Variants in NRXN3 observed in about 807,000 individuals in gnomAD.
NRXN3 encodes the protein neurexin 3, also known as neurexin III.
Under a neutral mutation model 137.6 loss-of-function variants are expected in NRXN3, and 32 were observed. The ratio of observed to expected loss-of-function variants is 0.23; its 90% CI spans 0.18 to 0.31. The LOEUF (loss-of-function observed/expected upper bound fraction) is 0.31. Ranked by LOEUF, NRXN3 falls within the 10% of genes least tolerant of loss-of-function variation. NRXN3 has a pLI of 1.00. For synonymous variants in NRXN3, 798 were observed against 784.5 expected, an observed-to-expected ratio of 1.02 and a Z score of -0.29; for missense variants, 1,574 against 2,062.5, an observed-to-expected ratio of 0.76 and a Z score of 4.59.
At chr14:78,567,531 A>G (rs532645163) in intron 4 of NRXN3, among the ~76,000 whole-genome samples, 1 of 152,162 alleles carries the variant, frequency 6.6e-6, no homozygotes, top group South Asian at 2.1e-4. Flanking sequence ...ATTTTCTTCC[A>G]TGAGCTCCTG....
intron 8 of NRXN3, among the ~76,000 whole-genome samples, chr14:78,743,309 T>C (rs10483915): frequency 0.16 from 25,000 of 152,226 alleles, 2,611 homozygotes; most frequent in Middle Eastern, 0.24. Flanking sequence ...AATTATAGAA[T>C]GCTTCATGAA....
At chr14:78,575,317 G>A (rs1267831703) in intron 4 of NRXN3, among the ~76,000 whole-genome samples, 3 of 152,164 alleles carry the variant, frequency 2.0e-5, no homozygotes, top group African/African-American at 7.2e-5. Context: ...ACACATGGAG[G>A]GGAAAGTGAG....
At chr14:79,278,645 G>C (rs901798592) in intron 15 of NRXN3, among the ~76,000 whole-genome samples, 5 of 152,196 alleles carry the variant, frequency 3.3e-5, no homozygotes, top group South Asian at 2.1e-4. Context: ...CTACAGGCGC[G>C]GACGATAACC....
intron 19 of NRXN3, among the ~76,000 whole-genome samples, chr14:79,729,454 A>G (rs898605756): frequency 1.3e-5 from 2 of 152,150 alleles, no homozygotes; most frequent in African/African-American, 4.8e-5. Flanking sequence ...GATGCAAGAA[A>G]ATGTAGTGAC....
chr14:78,277,277 C>A (rs955246583), intron 2 of NRXN3, among the ~76,000 whole-genome samples: 1 of 152,158 alleles, frequency 6.6e-6, no homozygotes, highest in East Asian at 1.9e-4. Context: ...GTTCAGGCAG[C>A]AAATTAGAGG....
chr14:78,817,877 G>A (rs1342657286), intron 10 of NRXN3, among the ~76,000 whole-genome samples: 2 of 152,050 alleles, frequency 1.3e-5, no homozygotes, highest in Admixed American at 6.6e-5. Context: ...TTCAACATGA[G>A]TTTTGGGGGG....
At chr14:78,531,110 A>G (rs1016045511) in intron 4 of NRXN3, among the ~76,000 whole-genome samples, 2 of 151,884 alleles carry the variant, frequency 1.3e-5, no homozygotes, top group African/African-American at 2.4e-5. Flanking sequence ...TGCCCCTTTT[A>G]TGGCCATTAC....
At chr14:79,396,418 ATTATGAGAACCAC>A (rs1387324725) in intron 15 of NRXN3, among the ~76,000 whole-genome samples, 2 of 152,172 alleles carry the variant, frequency 1.3e-5, no homozygotes, top group Non-Finnish European at 2.9e-5. Context: ...CCCTTGTTTG[ATTATGAGAACCAC>A]TTGCAGAGCT....
At position 79,738,388 on chromosome 14, in the gene NRXN3, G is replaced by A. The variant is rs8009906; in HGVS notation, c.4014+40451G>A. On this transcript the variant is annotated intron_variant, in intron 19 of 20. Transcript: ENST00000335750. ...AGGTGATGGAGGCAGATACTGGAGTGAAGCAGCCACAAGCCAAGGAATGCT... is the reference window on the plus strand; with the variant it reads ...AGGTGATGGAGGCAGATACTGGAGTAAAGCAGCCACAAGCCAAGGAATGCT... 6.9e-3 allele frequency among the ~76,000 whole-genome samples: 1,045 copies of A among 151,432 alleles called. 18 individuals carry two copies. Among genetic ancestry groups the A allele is most frequent in the African/African-American group, 0.025 (1,009 of 41,138 alleles).
intron 4 of NRXN3, among the ~76,000 whole-genome samples, chr14:78,336,166 T>G (rs1469464027): frequency 6.6e-6 from 1 of 152,108 alleles, no homozygotes; most frequent in Non-Finnish European, 1.5e-5. Context: ...CATTTATTTG[T>G]TTTTGGGTGT....
chr14:79,585,622 T>G (rs942547480), intron 16 of NRXN3, among the ~76,000 whole-genome samples: 2 of 144,730 alleles, frequency 1.4e-5, no homozygotes, highest in South Asian at 2.2e-4. Flanking sequence ...GAGGCGGAGG[T>G]TGCAGTGAGC....
At chr14:78,811,459 T>C (rs2153099757) in intron 10 of NRXN3, among the ~76,000 whole-genome samples, 1 of 152,246 alleles carries the variant, frequency 6.6e-6, no homozygotes, top group South Asian at 2.1e-4. Context: ...CCATATTTGG[T>C]TTGCTAGACA....
intron 15 of NRXN3, among the ~76,000 whole-genome samples, chr14:79,217,992 G>C (rs60058272): frequency 0.031 from 4,701 of 152,128 alleles, 248 homozygotes; most frequent in African/African-American, 0.11. Flanking sequence ...GACACTGTTG[G>C]ATTCATATCT....
chr14:79,854,194 A>C (rs2099397649), intron 20 of NRXN3: 1 of 972,312 alleles, frequency 1.0e-6, no homozygotes, highest in Admixed American at 6.2e-5. Flanking sequence ...TTCATGCCAA[A>C]AAACATGCGG....
intron 6 of NRXN3, among the ~76,000 whole-genome samples, chr14:78,667,680 GA>G (rs541689788): frequency 6.6e-6 from 1 of 151,520 alleles, no homozygotes; most frequent in South Asian, 2.1e-4. Context: ...ACAGACATAG[GA>G]AAAAAAACTC....
In NRXN3 at chr14:79,861,590, G is replaced by A; in HGVS notation, c.4342G>A (p.Ala1448Thr). The A allele has an allele frequency of 6.2e-7, 1 of 1,611,164 alleles. No individual in the cohort carries two copies. The highest frequency in any genetic ancestry group is 1.1e-5 in the South Asian group (1 of 90,674). The change falls in exon 21 of 21, where the codon GCC becomes ACC. Residue 1448 changes from alanine (A) to threonine (T), a missense_variant. Ala to Thr is a moderately conservative substitution (Grantham distance 58). Transcript: ENST00000335750. This position sits in a 1 kb window ranked among gnomAD's most constrained non-coding sequence, Gnocchi z 5.4. ...TATAGTCTTGCTTCCGTTGCCCACTGCCTATGAGCTAGACAGCACCAAACT... is the reference window on the plus strand; with the variant it reads ...TATAGTCTTGCTTCCGTTGCCCACTACCTATGAGCTAGACAGCACCAAACT... ...PDIVLLPLPT[A>T]YELDSTKLKS...
intron 15 of NRXN3, among the ~76,000 whole-genome samples, chr14:79,462,484 G>A (rs1300435711): frequency 6.8e-6 from 1 of 146,790 alleles, no homozygotes; most frequent in African/African-American, 2.5e-5. Flanking sequence ...TTGAGGGAAG[G>A]CTATTTTGAT....
chr14:78,805,535 A>G (rs1357752921), intron 9 of NRXN3, among the ~76,000 whole-genome samples: 3 of 151,676 alleles, frequency 2.0e-5, no homozygotes, highest in South Asian at 2.1e-4. Context: ...CCTTAAATCA[A>G]TATAAGAGTG....
chr14:78,571,806 C>A (rs185940355), intron 4 of NRXN3, among the ~76,000 whole-genome samples: 1 of 152,148 alleles, frequency 6.6e-6, no homozygotes, highest in African/African-American at 2.4e-5. Context: ...GGGAATCTAC[C>A]GTAGGTTCTT....
Sources: allele counts gnomAD v4.1 joint callset (sites outside exome capture counted in the v4.1 genomes callset), GRCh38; gene constraint gnomAD v4.1.1; non-coding constraint Gnocchi (gnomAD v3.1); transcripts MANE v1.5; gene names NCBI Gene and HGNC (gene_info 2026-07-23, HGNC 2026-07-21).